The following SGCD variants were observed in gnomAD, a reference collection of about 807,000 sequenced individuals.
SGCD encodes the protein delta-sarcoglycan.
Under a neutral mutation model 36.6 loss-of-function variants are expected in SGCD, and 18 were observed. The observed-to-expected ratio is 0.49, with a 90% CI of 0.34 to 0.73. The LOEUF (loss-of-function observed/expected upper bound fraction) is 0.73, where lower values mean the gene tolerates loss of function less well. Among genes scored for constraint, SGCD ranks in the 30% least tolerant of loss-of-function variants. The pLI is 0.01. For missense variants in SGCD, 387 were observed against 346.7 expected, an observed-to-expected ratio of 1.12 and a Z score of -0.92; for synonymous variants, 133 against 130.6, an observed-to-expected ratio of 1.02 and a Z score of -0.12.
intron 3 of SGCD, among the ~76,000 whole-genome samples, chr5:156,254,201 C>T (rs1376938813): frequency 2.0e-5 from 3 of 152,132 alleles, no homozygotes; most frequent in African/African-American, 7.2e-5. Flanking sequence ...AAAGATTTTA[C>T]CATTTATAAT....
chr5:156,268,886 G>A (rs893761818), intron 3 of SGCD, among the ~76,000 whole-genome samples: 3 of 152,108 alleles, frequency 2.0e-5, no homozygotes, highest in Admixed American at 1.3e-4. Context: ...GAGCCACTGT[G>A]CCCAGTCAGA....
intron 6 of SGCD, among the ~76,000 whole-genome samples, chr5:156,631,309 AC>A (rs988897183): frequency 3.3e-5 from 5 of 152,266 alleles, no homozygotes; most frequent in South Asian, 4.2e-4. Context: ...TAGATAGTAT[AC>A]CTTAATCCTG....
chr5:156,719,809 C>T (rs578025634), intron 7 of SGCD, among the ~76,000 whole-genome samples: 24 of 151,162 alleles, frequency 1.6e-4, no homozygotes, highest in East Asian at 7.8e-4. Context: ...CAGAGGGTGA[C>T]GGCAGTCAAA....
At chr5:155,838,642 T>C in the SGCD span, among the ~76,000 whole-genome samples, 2 of 152,122 alleles carry the variant, frequency 1.3e-5, no homozygotes, top group African/African-American at 4.8e-5. Flanking sequence ...AGTTTTCTTT[T>C]TAAAAATCTC....
chr5:156,462,030 A>G (rs138691515), intron 3 of SGCD, among the ~76,000 whole-genome samples: 2 of 152,222 alleles, frequency 1.3e-5, no homozygotes, highest in Non-Finnish European at 2.9e-5. Flanking sequence ...TGTTTATACA[A>G]CAGTAACACT....
At position 156,327,169 on chromosome 5, in the gene SGCD, T is replaced by A. The variant is rs956829882; in HGVS notation, c.-107T>A. On this transcript the variant is annotated 5_prime_UTR_variant, in exon 1 of 9. Transcript: ENST00000337851. ...GCCGAGTGGCCACCTCCTTCAGAGCTGCTCAGCACGCCCTGGGATCGCGGG... is the reference window on the plus strand; with the variant it reads ...GCCGAGTGGCCACCTCCTTCAGAGCAGCTCAGCACGCCCTGGGATCGCGGG... 2.0e-5 allele frequency: 3 copies of A among 152,390 alleles called. No homozygotes were observed. Among genetic ancestry groups the A allele is most frequent in the African/African-American group, 7.2e-5 (3 of 41,482 alleles). The allele number at this position is 152,390 out of a possible 1,614,324, so 9.4% of individuals were successfully genotyped here.
intron 3 of SGCD, among the ~76,000 whole-genome samples, chr5:156,483,655 A>C (rs1336701221): frequency 1.3e-5 from 2 of 152,234 alleles, no homozygotes. Flanking sequence ...TCTTGAGAGC[A>C]GTCACCTTGG....
intron 3 of SGCD, among the ~76,000 whole-genome samples, chr5:156,149,842 AATC>A (rs939840749): frequency 3.9e-5 from 6 of 152,134 alleles, no homozygotes; most frequent in Non-Finnish European, 8.8e-5. Flanking sequence ...TTGTATATGG[AATC>A]ATCTACTTCT....
At chr5:156,022,177 G>A (rs1028253106) in intron 1 of SGCD, among the ~76,000 whole-genome samples, 1 of 152,038 alleles carries the variant, frequency 6.6e-6, no homozygotes, top group African/African-American at 2.4e-5. Context: ...TGTTTCCAAG[G>A]TCCTCCATCT....
chr5:156,463,182 C>T (rs912699807), intron 3 of SGCD, among the ~76,000 whole-genome samples: 8 of 152,142 alleles, frequency 5.3e-5, no homozygotes, highest in Admixed American at 5.2e-4. Flanking sequence ...CTCACACTGT[C>T]GCCCAGGCCA....
chr5:155,753,063 C>T, the SGCD span, among the ~76,000 whole-genome samples: 5 of 151,978 alleles, frequency 3.3e-5, no homozygotes. Flanking sequence ...CTCGGCCGGG[C>T]GCAGTGGCTC....
At chr5:156,168,569 A>C (rs958495024) in intron 3 of SGCD, among the ~76,000 whole-genome samples, 1 of 152,202 alleles carries the variant, frequency 6.6e-6, no homozygotes, top group Non-Finnish European at 1.5e-5. Context: ...CATGTCCCAG[A>C]AAAGGCTCAC....
At chr5:156,477,570 G>A (rs1024992126) in intron 3 of SGCD, among the ~76,000 whole-genome samples, 1 of 151,834 alleles carries the variant, frequency 6.6e-6, no homozygotes, top group Admixed American at 6.6e-5. Flanking sequence ...CTCTATTAAG[G>A]AGACTTTCTG....
At chr5:156,095,054 G>C (rs1194812428) in intron 1 of SGCD, among the ~76,000 whole-genome samples, 1 of 152,068 alleles carries the variant, frequency 6.6e-6, no homozygotes, top group South Asian at 2.1e-4. Flanking sequence ...CACTTGTACT[G>C]TCTGACCTTG....
At chr5:155,922,936 T>C (rs1023214692) in intron 1 of SGCD, among the ~76,000 whole-genome samples, 6 of 152,286 alleles carry the variant, frequency 3.9e-5, no homozygotes, top group Middle Eastern at 3.4e-3. Context: ...AATGAACAAA[T>C]GTGTACAGTG....
At chr5:156,356,508 A>G (rs545912623) in intron 3 of SGCD, among the ~76,000 whole-genome samples, 1 of 152,286 alleles carries the variant, frequency 6.6e-6, no homozygotes, top group Admixed American at 6.5e-5. Flanking sequence ...TATGAACCAG[A>G]CTCAGAAGTC....
the SGCD span, among the ~76,000 whole-genome samples, chr5:155,849,665 G>GATGTAGAAT: frequency 2.6e-5 from 4 of 152,272 alleles, no homozygotes; most frequent in East Asian, 7.7e-4. Context: ...AATAGTGTGA[G>GATGTAGAAT]ATGTAGAATA....
At chr5:156,744,815 C>T (rs1217604420) in intron 7 of SGCD, among the ~76,000 whole-genome samples, 2 of 152,180 alleles carry the variant, frequency 1.3e-5, no homozygotes, top group African/African-American at 4.8e-5. Context: ...AAGCTGCCAA[C>T]TTTTAAAGTT....
At chr5:156,253,060 T>G (rs1378001442) in intron 3 of SGCD, among the ~76,000 whole-genome samples, 2 of 152,190 alleles carry the variant, frequency 1.3e-5, no homozygotes, top group Non-Finnish European at 2.9e-5. Flanking sequence ...TACAACTACT[T>G]TAATTTTTAA....
Sources: gnomAD v4.1 joint callset for allele counts (sites outside exome capture counted in the v4.1 genomes callset) on GRCh38, gnomAD v4.1.1 for gene constraint, MANE v1.5 for transcripts, NCBI Gene and HGNC (gene_info 2026-07-23, HGNC 2026-07-21) for gene names.